Variants in NADK2 observed in about 807,000 individuals in gnomAD.
NADK2 encodes NAD kinase 2, mitochondrial, also known as NAD kinase domain-containing protein 1, mitochondrial.
NADK2 carries 35 observed loss-of-function variants against 62.1 expected under a neutral mutation model. The observed-to-expected ratio is 0.56, with a 90% CI of 0.43 to 0.75. The LOEUF is 0.75. NADK2 is among the 30% of genes least tolerant of loss of function. The pLI, the probability that NADK2 is intolerant of heterozygous loss-of-function variation, is 0.00. For missense variants in NADK2, 439 were observed against 561.3 expected, an observed-to-expected ratio of 0.78 and a Z score of 2.20; for synonymous variants, 205 against 207.9, an observed-to-expected ratio of 0.99 and a Z score of 0.12.
intron 6 of NADK2, chr5:36,213,060 C>T (rs978883261): frequency 2.6e-5 from 4 of 152,178 alleles, no homozygotes; most frequent in Non-Finnish European, 4.4e-5. Context: ...GAGAGACCAA[C>T]ATGGTGAGGA....
rs1415846373 is a variant in NADK2, at chr5:36,241,899, C to A, written c.-101G>T. ...TCCGCGCCGCCCGGGCCTCTAACTT[C>A]GCGCCGGACGGGCAGAGGTTAAGTG... On this transcript the variant is annotated 5_prime_UTR_variant, in exon 1 of 12. Transcript: ENST00000381937. This position sits in a 1 kb window ranked among gnomAD's most constrained non-coding sequence, Gnocchi z 4.9. 4.1e-6 allele frequency: 4 copies of A among 967,482 alleles called. No individual in the cohort carries two copies. In the African/African-American group the frequency reaches 7.0e-5, roughly 17 times the overall value. 59.9% of individuals were successfully genotyped at this position (967,482 alleles called of 1,614,324 possible).
At chr5:36,195,984 GTTCA>G (rs1349722494) in intron 11 of NADK2, among the ~76,000 whole-genome samples, 1 of 151,740 alleles carries the variant, frequency 6.6e-6, no homozygotes, top group East Asian at 1.9e-4. Flanking sequence ...ATAGTAGTGT[GTTCA>G]TTTTTAATGC....
intron 4 of NADK2, among the ~76,000 whole-genome samples, chr5:36,222,488 A>G (rs764205603): frequency 6.6e-6 from 1 of 152,218 alleles, no homozygotes; most frequent in Non-Finnish European, 1.5e-5. Context: ...TTTTTAAGCT[A>G]AAGAATGTGT....
At chr5:36,197,518 G>A (rs748750186) in intron 11 of NADK2, 23 bp downstream of exon 11, 1 of 1,611,948 alleles carries the variant, frequency 6.2e-7, no homozygotes, top group South Asian at 1.1e-5. Context: ...AAAACAGTCA[G>A]AAGTCAGATT....
At chr5:36,232,344 G>A (rs1747739690) in intron 1 of NADK2, among the ~76,000 whole-genome samples, 1 of 152,106 alleles carries the variant, frequency 6.6e-6, no homozygotes, top group African/African-American at 2.4e-5. Flanking sequence ...CTTAATAAGG[G>A]AAGGAGTTAA....
At chr5:36,233,166 A>C (rs2112190104) in intron 1 of NADK2, among the ~76,000 whole-genome samples, 1 of 152,256 alleles carries the variant, frequency 6.6e-6, no homozygotes, top group South Asian at 2.1e-4. Flanking sequence ...GTTCTGGACA[A>C]CACCAACTCT....
chr5:36,211,923 C>T lies in NADK2; in HGVS notation c.782-1G>A, dbSNP rs754712446. 6.2e-7 allele frequency: 1 copy of T among 1,609,206 alleles called. No homozygotes were observed. Among genetic ancestry groups the T allele is most frequent in the Non-Finnish European group, 8.5e-7 (1 of 1,177,930 alleles). ...AGTTGGGGTCCTGAAGCCTCAGACC[C>T]TGCATGTAATTTAAGACAAAGAAAA... On this transcript the variant is annotated splice_acceptor_variant, in intron 6 of 11. Transcript: ENST00000381937. LOFTEE classifies it high-confidence loss of function.
chr5:36,216,280 T>C (rs963722102), intron 6 of NADK2, among the ~76,000 whole-genome samples: 4 of 148,702 alleles, frequency 2.7e-5, no homozygotes, highest in Admixed American at 1.4e-4. Context: ...TTAATGAGAT[T>C]ATTTGTTTGT....
At chr5:36,220,769 G>A (rs979012320) in intron 4 of NADK2, among the ~76,000 whole-genome samples, 2 of 152,200 alleles carry the variant, frequency 1.3e-5, no homozygotes, top group Non-Finnish European at 2.9e-5. Flanking sequence ...TATCAGCTAG[G>A]GCGGCAGGCA....
At chr5:36,219,508 G>A (rs2112138585) in intron 5 of NADK2, 88 bp downstream of exon 5, 3 of 1,199,000 alleles carry the variant, frequency 2.5e-6, no homozygotes, top group Non-Finnish European at 3.7e-6. Context: ...ACCGTGCCCT[G>A]CCTGATTTGT....
At chr5:36,221,140 C>T (rs1747252557) in intron 4 of NADK2, 1 of 152,184 alleles carries the variant, frequency 6.6e-6, no homozygotes, top group Non-Finnish European at 1.5e-5. Flanking sequence ...ACCACATGCC[C>T]TCTATCCCAT....
upstream of NADK2, chr5:36,241,960 T>A (rs1485867889): frequency 2.1e-6 from 1 of 468,496 alleles, no homozygotes; most frequent in South Asian, 9.1e-5. This position sits in a 1 kb window ranked among gnomAD's most constrained non-coding sequence, Gnocchi z 4.9. Context: ...TAGGGGGACG[T>A]ACCCAGGCGT....
chr5:36,197,491 T>C, intron 11 of NADK2, 50 bp downstream of exon 11: 2 of 1,608,746 alleles, frequency 1.2e-6, no homozygotes, highest in Non-Finnish European at 1.7e-6. Context: ...GTGGGCTTTG[T>C]AACAATGAAA....
intron 2 of NADK2, among the ~76,000 whole-genome samples, 182 bp downstream of exon 2, chr5:36,227,295 A>C (rs185285241): frequency 2.3e-4 from 35 of 152,332 alleles, no homozygotes; most frequent in East Asian, 1.2e-3. Flanking sequence ...ATTTTCAGAG[A>C]ACAATAAATT....
At chr5:36,199,319 T>C (rs1746355036) in intron 10 of NADK2, among the ~76,000 whole-genome samples, 1 of 152,066 alleles carries the variant, frequency 6.6e-6, no homozygotes, top group Non-Finnish European at 1.5e-5. Flanking sequence ...GTTGCAGTCT[T>C]ACATGTGTCA....
chr5:36,231,309 T>G (rs1321127827), intron 1 of NADK2, among the ~76,000 whole-genome samples: 1 of 152,142 alleles, frequency 6.6e-6, no homozygotes, highest in Non-Finnish European at 1.5e-5. Context: ...ATAATAAAAT[T>G]CCTAAAATTC....
chr5:36,228,817 G>C (rs957751325), intron 1 of NADK2, among the ~76,000 whole-genome samples: 3 of 150,854 alleles, frequency 2.0e-5, no homozygotes, highest in Admixed American at 6.6e-5. Context: ...GTAGAAATGG[G>C]GTTTTACCAT....
At chr5:36,199,191 T>TA (rs1233231053) in intron 10 of NADK2, among the ~76,000 whole-genome samples, 1 of 151,880 alleles carries the variant, frequency 6.6e-6, no homozygotes, top group African/African-American at 2.4e-5. Flanking sequence ...CCCTAAAACT[T>TA]AAAGTATAAT....
At chr5:36,196,103 A>G (rs1158076687) in intron 11 of NADK2, among the ~76,000 whole-genome samples, 1 of 152,146 alleles carries the variant, frequency 6.6e-6, no homozygotes, top group East Asian at 1.9e-4. Context: ...GCTGCTATGA[A>G]TATTCTTGAA....
Sources: allele counts gnomAD v4.1 joint callset (sites outside exome capture counted in the v4.1 genomes callset), GRCh38; gene constraint gnomAD v4.1.1; non-coding constraint Gnocchi (gnomAD v3.1); transcripts MANE v1.5; gene names NCBI Gene and HGNC (gene_info 2026-07-23, HGNC 2026-07-21).